Variants in NT5C1B observed in about 807,000 individuals in gnomAD.
The protein encoded by NT5C1B is cytosolic 5'-nucleotidase 1B.
NT5C1B carries 44 observed loss-of-function variants against 57.8 expected under a neutral mutation model. The ratio of observed to expected loss-of-function variants is 0.76; its 90% CI spans 0.60 to 0.98. The LOEUF (loss-of-function observed/expected upper bound fraction) is 0.98. Ranked by LOEUF, NT5C1B falls within the 50% of genes least tolerant of loss-of-function variation. NT5C1B has a pLI of 0.00. For missense variants in NT5C1B, 742 were observed against 719.5 expected (o/e 1.03, Z -0.36); for synonymous variants, 284 against 282.6 (o/e 1.00, Z -0.05).
intron 3 of NT5C1B, 144 bp downstream of exon 3, chr2:18,586,110 G>A (rs778233531): frequency 2.3e-5 from 29 of 1,266,280 alleles, no homozygotes; most frequent in Admixed American, 2.1e-4. Flanking sequence ...TGGGATTTAC[G>A]GGCAGAAGGG....
intron 6 of NT5C1B, among the ~76,000 whole-genome samples, chr2:18,578,806 C>T (rs910116469): frequency 6.6e-6 from 1 of 151,996 alleles, no homozygotes; most frequent in South Asian, 2.1e-4. Flanking sequence ...AGCAGTCAGG[C>T]AAGAGAATGA....
At chr2:18,565,212 A>G (rs1382381703) in intron 8 of NT5C1B, among the ~76,000 whole-genome samples, 1 of 152,016 alleles carries the variant, frequency 6.6e-6, no homozygotes, top group African/African-American at 2.4e-5. Flanking sequence ...ATTTTTTGTT[A>G]GTTACATAAT....
chr2:18,584,802 G>T lies in NT5C1B; in HGVS notation c.435C>A (p.Arg145=), dbSNP rs760520328. ...CCGGATTCTCTTGCATTTTGGTGCT[G>T]CGCCGGGAGCCAGGATCGGGCTCTG... The change falls in exon 4 of 9, where the codon CGC becomes CGA. Residue 145 remains arginine (R), a synonymous_variant. Coordinates refer to ENST00000304081, the Ensembl canonical transcript of NT5C1B. This position sits in a 1 kb window ranked among gnomAD's most constrained non-coding sequence, Gnocchi z 5.8. The T allele has an allele frequency of 6.2e-7, 1 of 1,613,248 alleles. No individual in the cohort carries two copies. Among genetic ancestry groups the T allele is most frequent in the South Asian group, 1.1e-5 (1 of 91,062 alleles).
chr2:18,576,253 A>G (rs932142588), exon 8 of NT5C1B: 3 of 1,613,782 alleles, frequency 1.9e-6, no homozygotes, highest in African/African-American at 1.3e-5. Context: ...GCTCCTTGGT[A>G]AAATGTTCAG....
chr2:18,587,574 A>G (rs1175049099), exon 2 of NT5C1B: 2 of 1,613,222 alleles, frequency 1.2e-6, no homozygotes, highest in Non-Finnish European at 1.7e-6. Flanking sequence ...TCTTTTGAGG[A>G]CCTCATTCCA....
At chr2:18,563,877 A>G (rs142999822) in exon 9 of NT5C1B, 4 of 1,614,050 alleles carry the variant, frequency 2.5e-6, no homozygotes, top group East Asian at 4.5e-5. Context: ...ACATGTGGTC[A>G]TCAAAGAAGA....
chr2:18,587,697 G>T, intron 1 of NT5C1B, 105 bp from the exon 2 acceptor site: 1 of 1,331,378 alleles, frequency 7.5e-7, no homozygotes, highest in Non-Finnish European at 1.0e-6. Context: ...TTATTTATTT[G>T]CCAATATAAA....
At chr2:18,564,995 G>A (rs958417828) in intron 8 of NT5C1B, among the ~76,000 whole-genome samples, 1 of 152,028 alleles carries the variant, frequency 6.6e-6, no homozygotes, top group Non-Finnish European at 1.5e-5. Context: ...TGAAAGCAGG[G>A]CATTTCTTCA....
rs1381694139 is a variant in NT5C1B, at chr2:18,571,708, C to CTGTG, written c.1329+4472_1329+4475dup. 6.1e-3 allele frequency among the ~76,000 whole-genome samples: 568 copies of CTGTG among 93,718 alleles called. 5 individuals carry two copies. The highest frequency in any genetic ancestry group is 0.015 in the African/African-American group (267 of 17,424). The allele number at this position is 93,718 out of a possible 152,430, so 61.5% of individuals were successfully genotyped here. ...GACTGTACTCTCTCTCTCTTTCTCTCTGTGTGTGTGTATATATATATATAT... is the reference window on the plus strand; with the variant it reads ...GACTGTACTCTCTCTCTCTTTCTCTCTGTGTGTGTGTGTGTATATATATATATAT... On this transcript the variant is annotated intron_variant, in intron 8 of 8. Coordinates refer to ENST00000304081, the Ensembl canonical transcript of NT5C1B.
intron 8 of NT5C1B, among the ~76,000 whole-genome samples, chr2:18,572,100 A>G (rs1226320686): frequency 1.3e-5 from 2 of 151,166 alleles, no homozygotes; most frequent in East Asian, 3.9e-4. Flanking sequence ...AAAAAAAAAA[A>G]AAAGAACTAC....
At chr2:18,577,530 AG>A (rs1207690063) in intron 6 of NT5C1B, among the ~76,000 whole-genome samples, 1 of 152,002 alleles carries the variant, frequency 6.6e-6, no homozygotes, top group African/African-American at 2.4e-5. Flanking sequence ...AATGAAATTA[AG>A]GCAGAAATCA....
At chr2:18,585,665 A>G (rs781734373) in intron 3 of NT5C1B, among the ~76,000 whole-genome samples, 19 of 152,258 alleles carry the variant, frequency 1.2e-4, no homozygotes, top group Non-Finnish European at 1.5e-4. Flanking sequence ...GTTATTAGGT[A>G]TCCATATATG....
At chr2:18,563,707 C>A in exon 9 of NT5C1B, 1 of 1,345,292 alleles carries the variant, frequency 7.4e-7, no homozygotes, top group East Asian at 2.5e-5. Flanking sequence ...GTCCAATTTT[C>A]TGAAATACCT....
chr2:18,571,550 A>G (rs1190785302), intron 8 of NT5C1B, among the ~76,000 whole-genome samples: 1 of 151,626 alleles, frequency 6.6e-6, no homozygotes, highest in African/African-American at 2.4e-5. Context: ...CCATGGACAG[A>G]AAGACTTAAT....
At position 18,576,645 on chromosome 2, in the gene NT5C1B, C is replaced by T. The variant is rs1207400429; in HGVS notation, c.1144+128G>A. On this transcript the variant is annotated intron_variant, in intron 7 of 8. Transcript: ENST00000304081. ...CTAAAGGACAGACTTAAGTGTTGCC[C>T]CATGTGGAAAAACTTCAGAAGAATA... 6.2e-6 allele frequency: 9 copies of T among 1,456,502 alleles called. No homozygotes were observed. In the African/African-American group the frequency reaches 9.9e-5, roughly 16 times the overall value. 90.2% of individuals were successfully genotyped at this position (1,456,502 alleles called of 1,614,324 possible).
exon 8 of NT5C1B, chr2:18,576,193 A>G: frequency 3.7e-6 from 6 of 1,610,682 alleles, no homozygotes; most frequent in Non-Finnish European, 5.1e-6. Context: ...CCTGAGCAAG[A>G]GGCTTACTTT....
chr2:18,567,778 C>T (rs1664776662), intron 8 of NT5C1B, among the ~76,000 whole-genome samples: 1 of 152,118 alleles, frequency 6.6e-6, no homozygotes, highest in East Asian at 1.9e-4. Flanking sequence ...AAGAACTAGA[C>T]TTAGTAATGA....
chr2:18,584,428 A>T lies in NT5C1B; in HGVS notation c.723+86T>A. ...AAGTTTGGGGAGGAGAAGCGGGAGGACCTCCCTGCGCAGTGGAGAGGAGGG... is the reference window on the plus strand; with the variant it reads ...AAGTTTGGGGAGGAGAAGCGGGAGGTCCTCCCTGCGCAGTGGAGAGGAGGG... On this transcript the variant is annotated intron_variant, in intron 4 of 8. Transcript: ENST00000304081. The surrounding 1 kb of genome is among the most constrained non-coding windows in gnomAD (Gnocchi z 5.8). 1 of 1,528,836 alleles carries T rather than the reference A, an allele frequency of 6.5e-7. No homozygotes were observed. The highest frequency in any genetic ancestry group is 8.8e-7 in the Non-Finnish European group (1 of 1,138,020). 94.7% of individuals were successfully genotyped at this position (1,528,836 alleles called of 1,614,324 possible).
chr2:18,575,893 C>T (rs1308217890), intron 8 of NT5C1B, among the ~76,000 whole-genome samples: 1 of 152,210 alleles, frequency 6.6e-6, no homozygotes, highest in South Asian at 2.1e-4. Flanking sequence ...AGCAGTATTT[C>T]CTGTTACTCC....
Sources: gnomAD v4.1 joint callset for allele counts (sites outside exome capture counted in the v4.1 genomes callset) on GRCh38, gnomAD v4.1.1 for gene constraint, Gnocchi (gnomAD v3.1) non-coding constraint, MANE v1.5 for transcripts, NCBI Gene and HGNC (gene_info 2026-07-23, HGNC 2026-07-21) for gene names.